Variants in SLX4IP observed in about 807,000 individuals in gnomAD.
SLX4IP encodes SLX4 interacting protein, also known as protein SLX4IP.
A neutral mutation model predicts 32.9 loss-of-function variants in SLX4IP; 34 were observed. The observed-to-expected ratio is 1.03, with a 90% CI of 0.79 to 1.38. The LOEUF is 1.38. Ranked by LOEUF, SLX4IP falls within the 40% of genes most tolerant of loss-of-function variation. The probability of loss-of-function intolerance (pLI) is 0.00; values close to 1 mark genes in which losing one functional copy is unlikely to be tolerated. For synonymous variants in SLX4IP, 172 were observed against 171.7 expected (o/e 1.00, Z -0.01); for missense variants, 444 against 479.0 (o/e 0.93, Z 0.68).
At chr20:10,558,014 G>A (rs190345050) in intron 3 of SLX4IP, among the ~76,000 whole-genome samples, 5 of 152,204 alleles carry the variant, frequency 3.3e-5, no homozygotes, top group Admixed American at 3.3e-4. Flanking sequence ...CCAAATGGTC[G>A]GTTTGCTGCT....
intron 6 of SLX4IP, chr20:10,613,835 A>C: frequency 6.2e-7 from 1 of 1,607,030 alleles, no homozygotes; most frequent in Admixed American, 1.7e-5. Context: ...GCTTAATATC[A>C]GCCAGCTCTT....
intron 2 of SLX4IP, among the ~76,000 whole-genome samples, chr20:10,544,934 G>A (rs545527924): frequency 6.4e-4 from 97 of 152,258 alleles, no homozygotes; most frequent in African/African-American, 2.3e-3. Context: ...ATACAAGGGG[G>A]CCTGTAGCAG....
chr20:10,590,630 G>T (rs2066698634), intron 4 of SLX4IP, among the ~76,000 whole-genome samples: 2 of 152,150 alleles, frequency 1.3e-5, no homozygotes, highest in South Asian at 2.1e-4. Flanking sequence ...CAAAGTGCTA[G>T]AATTACAGGC....
At chr20:10,482,859 G>A (rs1007672103) in intron 2 of SLX4IP, among the ~76,000 whole-genome samples, 2 of 152,120 alleles carry the variant, frequency 1.3e-5, no homozygotes, top group East Asian at 1.9e-4. Context: ...TGAATTTTAC[G>A]ACATAAAATT....
chr20:10,441,603 A>G (rs536373991), intron 1 of SLX4IP, among the ~76,000 whole-genome samples: 2 of 152,316 alleles, frequency 1.3e-5, no homozygotes, highest in South Asian at 4.1e-4. Context: ...GCACTGTTCC[A>G]TGGAATTATT....
chr20:10,441,663 A>T (rs559293909), intron 1 of SLX4IP, among the ~76,000 whole-genome samples: 2 of 152,204 alleles, frequency 1.3e-5, no homozygotes, highest in African/African-American at 4.8e-5. Flanking sequence ...AAGGATTTTT[A>T]AAAGTTCTAA....
chr20:10,444,341 C>T (rs2065183412), intron 1 of SLX4IP, among the ~76,000 whole-genome samples: 1 of 152,100 alleles, frequency 6.6e-6, no homozygotes, highest in Non-Finnish European at 1.5e-5. Context: ...CGTTTAAGAT[C>T]AAGGCACCAG....
chr20:10,438,235 A>G (rs2065131524), intron 1 of SLX4IP, among the ~76,000 whole-genome samples: 1 of 151,620 alleles, frequency 6.6e-6, no homozygotes, highest in South Asian at 2.1e-4. Flanking sequence ...TTTTTCTGTA[A>G]GTACTTTTAA....
rs2067157717 is a variant in SLX4IP, at chr20:10,625,069, A to G, written c.*1690A>G. On this transcript the variant is annotated 3_prime_UTR_variant, in exon 8 of 8. Transcript: ENST00000334534. ...CAGGGGATTCTATAGGAGAAGAGGG[A>G]GCCCAACAGAATACTAACTTCAGTG... is the stretch of plus-strand genomic sequence containing the variant. The G allele has an allele frequency of 6.6e-6, 1 of 152,176 alleles. No homozygotes were observed. The highest frequency in any genetic ancestry group is 1.5e-5 in the Non-Finnish European group (1 of 68,074). The allele number at this position is 152,176 out of a possible 1,614,324, so 9.4% of individuals were successfully genotyped here.
chr20:10,495,530 T>C (rs529620380), intron 2 of SLX4IP, among the ~76,000 whole-genome samples: 239 of 152,322 alleles, frequency 1.6e-3, no homozygotes, highest in African/African-American at 5.6e-3. Context: ...TCACTATTTA[T>C]TAATGTTTTT....
chr20:10,482,924 C>T (rs754550816), intron 2 of SLX4IP, among the ~76,000 whole-genome samples: 3 of 151,974 alleles, frequency 2.0e-5, no homozygotes, highest in East Asian at 1.9e-4. Flanking sequence ...GCATTTTTCC[C>T]GAGTTAGAGG....
At chr20:10,461,182 C>T (rs942147251) in intron 2 of SLX4IP, among the ~76,000 whole-genome samples, 1 of 152,224 alleles carries the variant, frequency 6.6e-6, no homozygotes, top group Non-Finnish European at 1.5e-5. Context: ...GGCTGGGCTT[C>T]TTGCAAAACT....
At chr20:10,602,333 T>C (rs954765478) in intron 6 of SLX4IP, among the ~76,000 whole-genome samples, 2 of 152,080 alleles carry the variant, frequency 1.3e-5, no homozygotes, top group African/African-American at 2.4e-5. Flanking sequence ...TGTCTCTCTG[T>C]CTCCTTCTCT....
rs557004081 is a variant in SLX4IP, at chr20:10,592,791, C to T, written c.239-5884C>T. Among the ~76,000 whole-genome samples, 739 of 151,902 alleles carry T rather than the reference C, an allele frequency of 4.9e-3. 7 individuals carry two copies. The highest frequency in any genetic ancestry group is 0.017 in the African/African-American group (693 of 41,424). On this transcript the variant is annotated intron_variant, in intron 4 of 7. Coordinates refer to ENST00000334534, the MANE Select transcript of SLX4IP (RefSeq NM_001009608.3). Reference sequence around the variant, plus strand: ...CTGGGACTACAGGTGCGTGCCACCACGCCTGGCTAATTTTTTTATTTTAGT... The same window carrying T: ...CTGGGACTACAGGTGCGTGCCACCATGCCTGGCTAATTTTTTTATTTTAGT...
intron 1 of SLX4IP, among the ~76,000 whole-genome samples, chr20:10,442,366 T>C (rs1363622735): frequency 6.6e-6 from 1 of 152,206 alleles, no homozygotes; most frequent in Non-Finnish European, 1.5e-5. Context: ...TTTAAAGCTC[T>C]TAGGATCTTT....
In SLX4IP at chr20:10,609,369, A is replaced by C. The variant is rs181768174; in HGVS notation, c.405+7550A>C. On this transcript the variant is annotated intron_variant, in intron 6 of 7. Transcript: ENST00000334534. ...TGTCATAACGGGATGAGGTTCCCAG[A>C]CTAGTTCACAAAAGCTGTTACTATC... 7.2e-5 allele frequency among the ~76,000 whole-genome samples: 11 copies of C among 152,330 alleles called. No individual in the cohort carries two copies. In the South Asian group the frequency reaches 1.9e-3, roughly 26 times the overall value.
At chr20:10,597,159 C>G (rs756207747) in intron 4 of SLX4IP, among the ~76,000 whole-genome samples, 7 of 152,160 alleles carry the variant, frequency 4.6e-5, no homozygotes, top group Non-Finnish European at 8.8e-5. Context: ...TAATTGTATT[C>G]TTTATATAAG....
chr20:10,561,906 T>C (rs1439974854), intron 4 of SLX4IP, among the ~76,000 whole-genome samples: 1 of 152,214 alleles, frequency 6.6e-6, no homozygotes, highest in Non-Finnish European at 1.5e-5. Flanking sequence ...TCCTTTGGGC[T>C]CATCCGTGTT....
intron 2 of SLX4IP, among the ~76,000 whole-genome samples, chr20:10,470,708 C>A (rs2065418025): frequency 6.6e-6 from 1 of 152,124 alleles, no homozygotes; most frequent in Non-Finnish European, 1.5e-5. Flanking sequence ...AGGTATGTAC[C>A]AGGTCTAGCA....
Sources: allele counts gnomAD v4.1 joint callset (sites outside exome capture counted in the v4.1 genomes callset), GRCh38; gene constraint gnomAD v4.1.1; transcripts MANE v1.5; gene names NCBI Gene and HGNC (gene_info 2026-07-23, HGNC 2026-07-21).